Variants in CPVL observed in about 807,000 individuals in gnomAD.
CPVL encodes the protein probable serine carboxypeptidase CPVL.
CPVL carries 51 observed loss-of-function variants against 63.7 expected under a neutral mutation model. The ratio of observed to expected loss-of-function variants is 0.80; its 90% confidence interval spans 0.64 to 1.01. The LOEUF is 1.01. Ranked by LOEUF, CPVL falls within the 50% of genes least tolerant of loss-of-function variation. The probability of loss-of-function intolerance (pLI) is 0.00; values close to 1 mark genes in which losing one functional copy is unlikely to be tolerated. For synonymous variants in CPVL, 195 were observed against 206.0 expected (o/e 0.95, Z 0.46); for missense variants, 530 against 573.1 (o/e 0.92, Z 0.77).
At chr7:29,138,898 A>T (rs891553205) in intron 1 of CPVL, among the ~76,000 whole-genome samples, 3 of 152,150 alleles carry the variant, frequency 2.0e-5, no homozygotes, top group Admixed American at 6.5e-5. Flanking sequence ...CACAAGGCCA[A>T]ATATTTCAGA....
chr7:29,045,184 G>A (rs1040515237), intron 11 of CPVL, among the ~76,000 whole-genome samples: 10 of 152,132 alleles, frequency 6.6e-5, no homozygotes, highest in African/African-American at 2.4e-4. Flanking sequence ...GATGTCGAAA[G>A]CATGGCAAGT....
intron 5 of CPVL, among the ~76,000 whole-genome samples, chr7:29,178,936 T>G (rs1797717005): frequency 6.6e-6 from 1 of 152,196 alleles, no homozygotes; most frequent in Non-Finnish European, 1.5e-5. Flanking sequence ...AACACACCAT[T>G]TAAGGGACAT....
At chr7:29,030,416 C>T (rs1489385747) in intron 12 of CPVL, among the ~76,000 whole-genome samples, 161 bp downstream of exon 12, 2 of 152,160 alleles carry the variant, frequency 1.3e-5, no homozygotes, top group African/African-American at 4.8e-5. Flanking sequence ...TATGTCTGAA[C>T]TCAGACCACT....
chr7:29,116,979 T>C (rs1258247213), intron 2 of CPVL, among the ~76,000 whole-genome samples: 5 of 151,850 alleles, frequency 3.3e-5, no homozygotes, highest in Non-Finnish European at 7.4e-5. Flanking sequence ...TTTAGGGGAG[T>C]GAGCTGACCA....
At chr7:29,084,636 C>T (rs938987582) in intron 7 of CPVL, among the ~76,000 whole-genome samples, 4 of 152,136 alleles carry the variant, frequency 2.6e-5, no homozygotes, top group Admixed American at 2.6e-4. Context: ...TTGGCTGGTA[C>T]ACATTTTTAA....
intron 5 of CPVL, among the ~76,000 whole-genome samples, chr7:29,157,964 G>T (rs953471122): frequency 1.3e-5 from 2 of 152,158 alleles, no homozygotes; most frequent in Non-Finnish European, 2.9e-5. Context: ...CACTCCTAAA[G>T]AGATGTTTTT....
chr7:29,088,243 T>C (rs1163008691), intron 6 of CPVL, among the ~76,000 whole-genome samples: 3 of 152,216 alleles, frequency 2.0e-5, no homozygotes, highest in Non-Finnish European at 4.4e-5. Context: ...GTCCCAAATA[T>C]TGCATGGAAT....
At chr7:29,033,594 T>C (rs956203143) in intron 11 of CPVL, among the ~76,000 whole-genome samples, 2 of 152,190 alleles carry the variant, frequency 1.3e-5, no homozygotes, top group Non-Finnish European at 2.9e-5. Flanking sequence ...CCCTAAGGCT[T>C]GCTGGTATTT....
At chr7:29,072,479 A>G in intron 7 of CPVL, 56 bp from the exon 8 acceptor site, 2 of 1,592,878 alleles carry the variant, frequency 1.3e-6, no homozygotes, top group Non-Finnish European at 1.7e-6. Context: ...GTAAAATTAA[A>G]TGTACTTAAG....
intron 11 of CPVL, among the ~76,000 whole-genome samples, chr7:29,062,908 G>A (rs1394177718): frequency 6.6e-6 from 1 of 152,132 alleles, no homozygotes; most frequent in Non-Finnish European, 1.5e-5. Flanking sequence ...CAGGATATAG[G>A]GAGGAAGTGG....
At chr7:29,182,682 A>G (rs115104576) in intron 4 of CPVL, among the ~76,000 whole-genome samples, 97 of 152,348 alleles carry the variant, frequency 6.4e-4, no homozygotes, top group African/African-American at 2.2e-3. Context: ...AATGTCCCTC[A>G]AGATTGTTAG....
intron 12 of CPVL, among the ~76,000 whole-genome samples, chr7:29,003,538 C>T (rs565076360): frequency 3.5e-4 from 54 of 152,216 alleles, no homozygotes; most frequent in African/African-American, 1.2e-3. Context: ...GGAGAATGAA[C>T]AGCAACTGAG....
chr7:29,153,359 AT>A (rs1049455175), intron 5 of CPVL, among the ~76,000 whole-genome samples: 2 of 152,058 alleles, frequency 1.3e-5, no homozygotes, highest in African/African-American at 2.4e-5. Flanking sequence ...TTATACACGG[AT>A]TTTTTTCTAG....
chr7:29,173,069 T>G (rs980323735), intron 5 of CPVL, among the ~76,000 whole-genome samples: 52 of 150,994 alleles, frequency 3.4e-4, no homozygotes, highest in African/African-American at 1.1e-3. Flanking sequence ...AGGCAGAGGT[T>G]GCAGTGAGCT....
chr7:29,028,286 T>C (rs940693833), intron 12 of CPVL, among the ~76,000 whole-genome samples: 4 of 151,996 alleles, frequency 2.6e-5, no homozygotes, highest in African/African-American at 4.8e-5. Flanking sequence ...CATATACACA[T>C]AGAATAAGCT....
At chr7:29,173,677 T>A (rs761473582) in intron 5 of CPVL, among the ~76,000 whole-genome samples, 36 of 151,366 alleles carry the variant, frequency 2.4e-4, no homozygotes, top group Non-Finnish European at 4.0e-4. Context: ...AATATTTTTT[T>A]AAAAATAATG....
chr7:29,030,435 TG>T, intron 12 of CPVL, 141 bp downstream of exon 12: 1 of 775,970 alleles, frequency 1.3e-6, no homozygotes, highest in Non-Finnish European at 2.1e-6. Flanking sequence ...CTCTTCTCTG[TG>T]GAAAGTAGGG....
intron 3 of CPVL, among the ~76,000 whole-genome samples, chr7:29,097,692 G>A (rs59572808): frequency 0.051 from 7,745 of 152,276 alleles, 226 homozygotes; most frequent in East Asian, 0.14. Context: ...GTGAAACTCT[G>A]TCTCAAATAA....
At chr7:29,154,957 CAAG>C (rs1206211672) in intron 5 of CPVL, among the ~76,000 whole-genome samples, 8 of 152,170 alleles carry the variant, frequency 5.3e-5, no homozygotes, top group African/African-American at 1.4e-4. Context: ...TGGTGGAAGA[CAAG>C]GAGGAGCAAG....
Sources: gnomAD v4.1 joint callset for allele counts (sites outside exome capture counted in the v4.1 genomes callset) on GRCh38, gnomAD v4.1.1 for gene constraint, MANE v1.5 for transcripts, NCBI Gene and HGNC (gene_info 2026-07-23, HGNC 2026-07-21) for gene names.